KRABD5: variants seen among roughly 807,000 people sequenced by gnomAD.
KRABD5 encodes the protein KRAB domain containing 5.
chr16:31,736,139 C>T, the KRABD5 span, among the ~76,000 whole-genome samples: 512 of 152,200 alleles, frequency 3.4e-3, 2 homozygotes, highest in Non-Finnish European at 5.7e-3. Flanking sequence ...TTTCCTGCAC[C>T]GTTTATTAAA....
At chr16:31,725,790 C>G in the KRABD5 span, among the ~76,000 whole-genome samples, 1 of 152,212 alleles carries the variant, frequency 6.6e-6, no homozygotes, top group Admixed American at 6.5e-5. Flanking sequence ...GGAAGACTTT[C>G]TAGTCAGGTC....
the KRABD5 span, among the ~76,000 whole-genome samples, chr16:31,718,611 T>C: frequency 6.6e-6 from 1 of 152,164 alleles, no homozygotes; most frequent in Non-Finnish European, 1.5e-5. Flanking sequence ...TACACCTACC[T>C]GTGAGCTGTG....
chr16:31,742,557 A>G, the KRABD5 span, among the ~76,000 whole-genome samples: 1 of 152,104 alleles, frequency 6.6e-6, no homozygotes, highest in Non-Finnish European at 1.5e-5. Flanking sequence ...TATCCAGTCT[A>G]TCATTGATGG....
the KRABD5 span, among the ~76,000 whole-genome samples, chr16:31,742,125 G>A: frequency 2.6e-5 from 4 of 151,300 alleles, no homozygotes; most frequent in Non-Finnish European, 4.4e-5. Flanking sequence ...ATTTCTGGGT[G>A]CTCTATTCTG....
the KRABD5 span, among the ~76,000 whole-genome samples, chr16:31,732,277 T>G: frequency 6.6e-6 from 1 of 152,352 alleles, no homozygotes; most frequent in East Asian, 1.9e-4. Flanking sequence ...GGCTGCCACA[T>G]TATGTTGTGA....
At chr16:31,736,210 G>A in the KRABD5 span, among the ~76,000 whole-genome samples, 1 of 152,100 alleles carries the variant, frequency 6.6e-6, no homozygotes, top group Non-Finnish European at 1.5e-5. Flanking sequence ...GTCAGCTTTA[G>A]GAGCATGAAT....
chr16:31,729,506 A>G, the KRABD5 span, among the ~76,000 whole-genome samples: 2 of 152,206 alleles, frequency 1.3e-5, no homozygotes, highest in African/African-American at 4.8e-5. Flanking sequence ...TAATACATTC[A>G]TGCAGGCAGA....
At chr16:31,758,603 G>C in the KRABD5 span, 1 of 151,564 alleles carries the variant, frequency 6.6e-6, no homozygotes, top group Non-Finnish European at 1.5e-5. Flanking sequence ...GTGAAACCCC[G>C]TCTCTATTAA....
chr16:31,736,495 A>G, the KRABD5 span, among the ~76,000 whole-genome samples: 1 of 148,884 alleles, frequency 6.7e-6, no homozygotes, highest in Non-Finnish European at 1.5e-5. Context: ...ACTTTGGGTA[A>G]CATGCCCATT....
chr16:31,759,555 CTT>C, the KRABD5 span: 1 of 853,310 alleles, frequency 1.2e-6, no homozygotes. Flanking sequence ...CAAAAAAAAT[CTT>C]AAAAAAATTA....
At chr16:31,753,818 A>T in the KRABD5 span, 2 of 1,547,276 alleles carry the variant, frequency 1.3e-6, no homozygotes, top group African/African-American at 2.7e-5. Flanking sequence ...TTATAGAAGC[A>T]TCATTCCAAA....
chr16:31,754,023 G>C, the KRABD5 span: 52 of 1,214,114 alleles, frequency 4.3e-5, no homozygotes, highest in African/African-American at 6.9e-4. Context: ...TATGTCAGTT[G>C]CTTTTTCTAA....
At chr16:31,717,895 G>C in the KRABD5 span, among the ~76,000 whole-genome samples, 5 of 151,998 alleles carry the variant, frequency 3.3e-5, no homozygotes, top group Non-Finnish European at 7.4e-5. Context: ...TGCTTGTTTG[G>C]AATCTTTAAT....
At chr16:31,748,675 G>A in the KRABD5 span, among the ~76,000 whole-genome samples, 4 of 152,168 alleles carry the variant, frequency 2.6e-5, no homozygotes, top group Admixed American at 2.0e-4. Context: ...GAGGCACTCT[G>A]GCTTTTGGGT....
the KRABD5 span, chr16:31,753,889 G>A: frequency 2.6e-6 from 4 of 1,551,270 alleles, no homozygotes; most frequent in Non-Finnish European, 3.5e-6. Context: ...AGGAAAGAGT[G>A]GGAAAGTGAG....
the KRABD5 span, among the ~76,000 whole-genome samples, chr16:31,740,317 G>T: frequency 1.3e-5 from 2 of 152,042 alleles, no homozygotes; most frequent in Non-Finnish European, 2.9e-5. Flanking sequence ...CTGTTATCAA[G>T]CTTGTTGGGT....
chr16:31,732,131 G>C, the KRABD5 span, among the ~76,000 whole-genome samples: 1 of 152,164 alleles, frequency 6.6e-6, no homozygotes, highest in African/African-American at 2.4e-5. Context: ...TTTGTGTCCA[G>C]AACCATGATC....
the KRABD5 span, chr16:31,759,086 G>T: frequency 6.3e-6 from 2 of 316,460 alleles, no homozygotes; most frequent in African/African-American, 4.3e-5. Flanking sequence ...AAAATGCAAA[G>T]AAGTGTAATG....
the KRABD5 span, among the ~76,000 whole-genome samples, chr16:31,752,079 G>T: frequency 6.6e-6 from 1 of 152,038 alleles, no homozygotes; most frequent in Non-Finnish European, 1.5e-5. Context: ...AGATCTTCTT[G>T]GTATTGTTTT....
Sources: allele counts gnomAD v4.1 joint callset (sites outside exome capture counted in the v4.1 genomes callset), GRCh38; gene constraint gnomAD v4.1.1; transcripts MANE v1.5; gene names NCBI Gene and HGNC (gene_info 2026-07-23, HGNC 2026-07-21).